Variants in RASGEF1C observed in about 807,000 individuals in gnomAD.
RASGEF1C encodes ras-GEF domain-containing family member 1C.
A neutral mutation model predicts 58.1 loss-of-function variants in RASGEF1C; 27 were observed. The observed-to-expected ratio is 0.46, with a 90% CI of 0.34 to 0.64. The LOEUF is 0.64. Among genes scored for constraint, RASGEF1C ranks in the 30% least tolerant of loss-of-function variants. The probability of loss-of-function intolerance (pLI) is 0.01; values close to 1 mark genes in which losing one functional copy is unlikely to be tolerated. For synonymous variants in RASGEF1C, 243 were observed against 246.3 expected (o/e 0.99, Z 0.13); for missense variants, 502 against 605.1 (o/e 0.83, Z 1.79).
chr5:180,121,681 A>ACACACACCCC (rs71892414), intron 6 of RASGEF1C, among the ~76,000 whole-genome samples: 5 of 73,468 alleles, frequency 6.8e-5, no homozygotes, highest in African/African-American at 1.7e-4. Flanking sequence ...ACACACACAC[A>ACACACACCCC]CCCTCATTAT....
chr5:180,154,816 C>T (rs1009765786), intron 1 of RASGEF1C, among the ~76,000 whole-genome samples: 4 of 152,104 alleles, frequency 2.6e-5, no homozygotes, highest in African/African-American at 4.8e-5. Context: ...CTCCCGACCT[C>T]GTGATCCACC....
At chr5:180,122,365 T>G (rs528988838) in intron 6 of RASGEF1C, among the ~76,000 whole-genome samples, 1 of 152,098 alleles carries the variant, frequency 6.6e-6, no homozygotes, top group East Asian at 1.9e-4. Context: ...GGAAAAAAAA[T>G]TTTTAAATGG....
At chr5:180,192,740 T>C (rs1756186832) in intron 1 of RASGEF1C, among the ~76,000 whole-genome samples, 1 of 104,090 alleles carries the variant, frequency 9.6e-6, no homozygotes, top group African/African-American at 2.9e-5. Context: ...ATAGTGTTTT[T>C]TTGTTTTTTG....
chr5:180,105,854 C>T (rs556339576), intron 12 of RASGEF1C, among the ~76,000 whole-genome samples: 39 of 151,724 alleles, frequency 2.6e-4, no homozygotes, highest in Non-Finnish European at 4.6e-4. Flanking sequence ...GGTGACAGAG[C>T]GAGACTCTGT....
chr5:180,107,394 AT>A (rs1277162466), intron 12 of RASGEF1C, among the ~76,000 whole-genome samples: 1 of 151,488 alleles, frequency 6.6e-6, no homozygotes, highest in Non-Finnish European at 1.5e-5. Context: ...TTAGAATTCT[AT>A]TTTGATTTAT....
Position 180,197,335 on chromosome 5 carries a change from G to A in RASGEF1C, c.-7+11693C>T, listed in dbSNP as rs1756297618. Among the ~76,000 whole-genome samples, 2 of 152,210 alleles carry A rather than the reference G, an allele frequency of 1.3e-5. No individual in the cohort carries two copies. Among genetic ancestry groups the A allele is most frequent in the Admixed American group, 1.3e-4 (2 of 15,290 alleles). On this transcript the variant is annotated intron_variant, in intron 1 of 13. Coordinates refer to ENST00000361132, the MANE Select transcript of RASGEF1C (RefSeq NM_175062.4). This position sits in a 1 kb window ranked among gnomAD's most constrained non-coding sequence, Gnocchi z 4.7. ...TGGCGGGATCCAGGGTGCTGCTCAGGGCAGTGGTGGCCTCTTGACAGTGGA... is the reference window on the plus strand; with the variant it reads ...TGGCGGGATCCAGGGTGCTGCTCAGAGCAGTGGTGGCCTCTTGACAGTGGA...
At chr5:180,126,630 T>A (rs913047114) in intron 6 of RASGEF1C, among the ~76,000 whole-genome samples, 2 of 152,238 alleles carry the variant, frequency 1.3e-5, no homozygotes, top group Non-Finnish European at 2.9e-5. Flanking sequence ...TTGGAGGTTG[T>A]TCTGTCCACC....
chr5:180,178,712 T>C (rs1767271299), intron 1 of RASGEF1C, among the ~76,000 whole-genome samples: 1 of 152,178 alleles, frequency 6.6e-6, no homozygotes, highest in South Asian at 2.1e-4. Flanking sequence ...TGCTGCTGGC[T>C]TTCATCACCG....
intron 12 of RASGEF1C, among the ~76,000 whole-genome samples, chr5:180,107,260 A>C (rs1028780341): frequency 2.2e-4 from 33 of 152,102 alleles, no homozygotes; most frequent in African/African-American, 7.7e-4. Flanking sequence ...TTTACATTTA[A>C]TGTAATTATT....
At chr5:180,131,722 C>T (rs909042616) in intron 4 of RASGEF1C, among the ~76,000 whole-genome samples, 25 of 152,194 alleles carry the variant, frequency 1.6e-4, no homozygotes, top group African/African-American at 4.6e-4. Context: ...GGTGTCAGGG[C>T]GGACTGCAGG....
intron 7 of RASGEF1C, among the ~76,000 whole-genome samples, 160 bp from the exon 8 acceptor site, chr5:180,119,608 T>C (rs1016506058): frequency 6.6e-6 from 1 of 152,180 alleles, no homozygotes; most frequent in Non-Finnish European, 1.5e-5. Context: ...CTTCATGGGC[T>C]GAGCCAGCAG....
At chr5:180,119,473 A>G (rs1256836081) in intron 7 of RASGEF1C, 25 bp from the exon 8 acceptor site, 1 of 1,581,906 alleles carries the variant, frequency 6.3e-7, no homozygotes, top group Non-Finnish European at 8.7e-7. Context: ...GCAGAGCCTC[A>G]GTGGTGACAC....
At chr5:180,202,705 T>C (rs1756414640) in intron 1 of RASGEF1C, among the ~76,000 whole-genome samples, 1 of 151,366 alleles carries the variant, frequency 6.6e-6, no homozygotes, top group Admixed American at 6.6e-5. Context: ...CACAAGTCTT[T>C]CTTTTTTTTT....
At chr5:180,121,662 CA>C (rs1766177213) in intron 6 of RASGEF1C, among the ~76,000 whole-genome samples, 2 of 87,356 alleles carry the variant, frequency 2.3e-5, no homozygotes, top group Admixed American at 1.2e-4. Flanking sequence ...CACACACACA[CA>C]CACACACACA....
intron 1 of RASGEF1C, among the ~76,000 whole-genome samples, chr5:180,154,299 G>A (rs751424985): frequency 5.3e-5 from 8 of 152,114 alleles, no homozygotes; most frequent in Admixed American, 1.3e-4. Flanking sequence ...CCCCTTAAGG[G>A]ATAGGGAGCT....
intron 6 of RASGEF1C, among the ~76,000 whole-genome samples, chr5:180,125,183 C>T (rs575263347): frequency 4.6e-5 from 7 of 152,152 alleles, no homozygotes; most frequent in African/African-American, 1.4e-4. Flanking sequence ...ACAAAAGAAA[C>T]ATTTATTTTA....
chr5:180,187,174 A>G (rs896892235), intron 1 of RASGEF1C, among the ~76,000 whole-genome samples: 22 of 152,186 alleles, frequency 1.4e-4, no homozygotes, highest in Non-Finnish European at 3.1e-4. Flanking sequence ...TCAATGAGGG[A>G]AAAAACAGTC....
chr5:180,189,265 A>C (rs1756102777), intron 1 of RASGEF1C, among the ~76,000 whole-genome samples: 1 of 152,226 alleles, frequency 6.6e-6, no homozygotes, highest in South Asian at 2.1e-4. Context: ...AAAACTGCAA[A>C]ATACGGCTGA....
rs747235742 is a variant in RASGEF1C, at chr5:180,114,426, G to A, written c.1179+20C>T. ...TTCCCGGCCTGTCTACCTCAGTGGC[G>A]GTCCACACGGAGGTCCTACCTCAAA... On this transcript the variant is annotated intron_variant, in intron 11 of 13. Transcript: ENST00000361132. 6.2e-6 allele frequency: 10 copies of A among 1,608,458 alleles called. No individual in the cohort carries two copies. Among genetic ancestry groups the A allele is most frequent in the Non-Finnish European group, 8.5e-6 (10 of 1,176,712 alleles).
Sources: allele counts gnomAD v4.1 joint callset (sites outside exome capture counted in the v4.1 genomes callset), GRCh38; gene constraint gnomAD v4.1.1; non-coding constraint Gnocchi (gnomAD v3.1); transcripts MANE v1.5; gene names NCBI Gene and HGNC (gene_info 2026-07-23, HGNC 2026-07-21).